The following LARS1 variants were observed in gnomAD, a reference collection of about 807,000 sequenced individuals.
LARS1 encodes leucyl-tRNA synthetase 1, also known as leucine--tRNA ligase, cytoplasmic.
LARS1 carries 100 observed loss-of-function variants against 162.8 expected under a neutral mutation model. The ratio of observed to expected loss-of-function variants is 0.61; its 90% CI spans 0.52 to 0.73. The LOEUF (loss-of-function observed/expected upper bound fraction) is 0.73, where lower values mean the gene tolerates loss of function less well. LARS1 is among the 30% of genes least tolerant of loss of function. The pLI is 0.00. For missense variants in LARS1, 1,258 were observed against 1,408.9 expected (o/e 0.89, Z 1.71); for synonymous variants, 457 against 462.8 (o/e 0.99, Z 0.16).
Position 146,120,360 on chromosome 5 carries a change from G to T in LARS1, c.3325+11C>A. The T allele has an allele frequency of 6.2e-7, 1 of 1,612,534 alleles. No individual in the cohort carries two copies. Among genetic ancestry groups the T allele is most frequent in the South Asian group, 1.1e-5 (1 of 90,960 alleles). On this transcript the variant is annotated intron_variant, in intron 31 of 31. Transcript: ENST00000394434. ...GCTACTGACAAATGGGAGTTTTGGG[G>T]AACAACTTACCTTTAATTCCTCGAT... is the stretch of plus-strand genomic sequence containing the variant.
chr5:146,144,137 C>G (rs1752909508), intron 18 of LARS1, 130 bp downstream of exon 18: 2 of 663,594 alleles, frequency 3.0e-6, no homozygotes, highest in South Asian at 4.0e-5. Context: ...TTTTCATGAC[C>G]ATCCAGAGGA....
intron 15 of LARS1, among the ~76,000 whole-genome samples, chr5:146,148,615 A>T (rs1287922798): frequency 2.0e-5 from 3 of 152,200 alleles, no homozygotes; most frequent in Non-Finnish European, 4.4e-5. Flanking sequence ...CAGGGTATGG[A>T]GTAGTATATA....
rs1478555006 is a variant in LARS1 at position 146,132,891 on chromosome 5, A to AG, written c.2396+6dup. Reference sequence around the variant, plus strand: ...AAAACACAAAATGATTGGGATCTACAGATTACCTGGCAAAAACTCTATCAT... The same window carrying AG: ...AAAACACAAAATGATTGGGATCTACAGGATTACCTGGCAAAAACTCTATCAT... On this transcript the variant is annotated splice_region_variant and intron_variant, in intron 23 of 31. Transcript: ENST00000394434. The AG allele has an allele frequency of 6.2e-7, 1 of 1,611,458 alleles. No individual in the cohort carries two copies. Among genetic ancestry groups the AG allele is most frequent in the East Asian group, 2.2e-5 (1 of 44,840 alleles).
intron 31 of LARS1, among the ~76,000 whole-genome samples, chr5:146,117,005 T>C (rs1005716926): frequency 4.6e-5 from 7 of 152,220 alleles, no homozygotes; most frequent in Admixed American, 4.6e-4. Flanking sequence ...AGATCTCTTC[T>C]GCAGATACTT....
intron 7 of LARS1, 84 bp downstream of exon 7, chr5:146,160,290 T>C: frequency 1.5e-6 from 1 of 687,848 alleles, no homozygotes; most frequent in South Asian, 2.4e-5. Context: ...CTCACCTCAG[T>C]TTCCCAAAGC....
chr5:146,124,218 G>A, intron 28 of LARS1, 132 bp from the exon 29 acceptor site: 3 of 583,792 alleles, frequency 5.1e-6, no homozygotes, highest in South Asian at 2.4e-5. Flanking sequence ...GAAAGGCCTT[G>A]GACTCATGAT....
chr5:146,157,391 T>C lies in LARS1; in HGVS notation c.1065+12A>G, dbSNP rs1057522745. On this transcript the variant is annotated intron_variant, in intron 10 of 31. Transcript: ENST00000394434. ...TTACGCATTAAAATAAAAAATCTGC[T>C]ATCCAACTTACCTCCCCCATTAATT... is the stretch of plus-strand genomic sequence containing the variant. The C allele has an allele frequency of 6.2e-7, 1 of 1,606,090 alleles. No homozygotes were observed. Among genetic ancestry groups the C allele is most frequent in the Non-Finnish European group, 8.5e-7 (1 of 1,173,788 alleles).
intron 28 of LARS1, among the ~76,000 whole-genome samples, chr5:146,126,168 G>C (rs192542645): frequency 2.1e-3 from 327 of 152,174 alleles, no homozygotes; most frequent in Non-Finnish European, 2.7e-3. Flanking sequence ...AAAAGAGTTT[G>C]AAAGAAGGGA....
At chr5:146,168,779 C>G (rs963455726) in intron 4 of LARS1, among the ~76,000 whole-genome samples, 1 of 151,926 alleles carries the variant, frequency 6.6e-6, no homozygotes, top group Non-Finnish European at 1.5e-5. Context: ...CTAATTTACT[C>G]AAAAACATTT....
intron 6 of LARS1, among the ~76,000 whole-genome samples, chr5:146,160,817 T>C (rs188664372): frequency 4.6e-5 from 7 of 152,230 alleles, no homozygotes; most frequent in Admixed American, 4.6e-4. Flanking sequence ...TTTCTACTAA[T>C]TGTTAATATG....
chr5:146,156,307 C>T (rs1753523975), intron 10 of LARS1, among the ~76,000 whole-genome samples: 1 of 152,132 alleles, frequency 6.6e-6, no homozygotes, highest in Non-Finnish European at 1.5e-5. Flanking sequence ...TGAGATGGTA[C>T]TCTACTCATA....
chr5:146,115,465 G>C (rs1446151650), intron 31 of LARS1, among the ~76,000 whole-genome samples: 3 of 150,408 alleles, frequency 2.0e-5, no homozygotes, highest in African/African-American at 7.3e-5. Flanking sequence ...ACAAGGCAGA[G>C]AAAGGACAGA....
intron 4 of LARS1, among the ~76,000 whole-genome samples, chr5:146,170,336 A>C (rs1754205238): frequency 6.6e-6 from 1 of 151,966 alleles, no homozygotes; most frequent in Non-Finnish European, 1.5e-5. Flanking sequence ...CAGGCATGGT[A>C]GCAGGCACCT....
rs1425469329 is a variant in LARS1, at chr5:146,153,243, C to T, written c.1231-16G>A. On this transcript the variant is annotated splice_polypyrimidine_tract_variant and intron_variant, in intron 12 of 31. Coordinates refer to ENST00000394434, the MANE Select transcript of LARS1 (RefSeq NM_020117.11). ...CTCGTAAGGCCTACAGAAAAATTTG[C>T]AAGTTAACACTAATGATCAACACTT... 1 of 1,576,838 alleles carries T rather than the reference C, an allele frequency of 6.3e-7. No homozygotes were observed. Among genetic ancestry groups the T allele is most frequent in the Middle Eastern group, 1.7e-4 (1 of 5,986 alleles).
intron 4 of LARS1, among the ~76,000 whole-genome samples, chr5:146,170,737 G>A (rs1334609691): frequency 6.6e-6 from 1 of 152,040 alleles, no homozygotes; most frequent in Non-Finnish European, 1.5e-5. Context: ...GCTCATGCCT[G>A]TAATCCCAGC....
chr5:146,120,325 A>C, intron 31 of LARS1, 46 bp downstream of exon 31: 1 of 1,606,414 alleles, frequency 6.2e-7, no homozygotes, highest in East Asian at 2.2e-5. Flanking sequence ...AGAACTCACC[A>C]AATCTACAAG....
intron 6 of LARS1, among the ~76,000 whole-genome samples, chr5:146,164,078 A>G (rs1753896605): frequency 6.6e-6 from 1 of 150,780 alleles, no homozygotes; most frequent in Non-Finnish European, 1.5e-5. Context: ...CTGAATATAG[A>G]TCACCATAAC....
At position 146,114,177 on chromosome 5, in the gene LARS1, T is replaced by C. The variant is rs1406524605; in HGVS notation, c.3460A>G (p.Lys1154Glu). ...CCATTCTCAGTCAGATGAATTTTCT[T>C]GCTCATGAGGTCCACATTGAAAACA... is the stretch of plus-strand genomic sequence containing the variant. ...HAVFNVDLMS[K>E]KIHLTENGIR... The change falls in exon 32 of 32, where the codon AAG (lysine) becomes GAG (glutamate). Residue 1154 changes from lysine (K) to glutamate (E), a missense_variant. Coordinates refer to ENST00000394434, the MANE Select transcript of LARS1 (RefSeq NM_020117.11). The C allele has an allele frequency of 3.7e-6, 6 of 1,613,758 alleles. No homozygotes were observed. The South Asian group carries it at 6.6e-5, about 18-fold the overall frequency.
At chr5:146,119,756 C>A (rs1262963595) in intron 31 of LARS1, among the ~76,000 whole-genome samples, 1 of 152,120 alleles carries the variant, frequency 6.6e-6, no homozygotes, top group Non-Finnish European at 1.5e-5. Flanking sequence ...CCTGGAGGCA[C>A]ATTGTTTAGA....
Sources: gnomAD v4.1 joint callset for allele counts (sites outside exome capture counted in the v4.1 genomes callset) on GRCh38, gnomAD v4.1.1 for gene constraint, MANE v1.5 for transcripts, NCBI Gene and HGNC (gene_info 2026-07-23, HGNC 2026-07-21) for gene names.